Variants in EYS observed in about 807,000 individuals in gnomAD.
EYS encodes the protein EGF-like photoreceptor maintenance factor, also known as protein eyes shut homolog.
Under a neutral mutation model 282.1 loss-of-function variants are expected in EYS, and 250 were observed. The ratio of observed to expected loss-of-function variants is 0.89; its 90% confidence interval spans 0.80 to 0.98. The LOEUF is 0.98. Ranked by LOEUF, EYS falls within the 50% of genes least tolerant of loss-of-function variation. The pLI is 0.00. For synonymous variants in EYS, 1,355 were observed against 1,282.9 expected (o/e 1.06, Z -1.20); for missense variants, 4,016 against 3,709.0 (o/e 1.08, Z -2.15).
chr6:64,095,260 TC>T (rs2150254733), intron 31 of EYS, among the ~76,000 whole-genome samples: 1 of 152,336 alleles, frequency 6.6e-6, no homozygotes, highest in South Asian at 2.1e-4. Context: ...TCTGTAGATG[TC>T]TCTTAGGTCC....
intron 12 of EYS, among the ~76,000 whole-genome samples, chr6:65,244,082 T>C (rs1767120287): frequency 6.6e-6 from 1 of 152,252 alleles, no homozygotes; most frequent in South Asian, 2.1e-4. Flanking sequence ...ATGGCAATGG[T>C]TAGAGTTGAA....
chr6:65,354,450 A>C (rs1248556463), intron 8 of EYS, among the ~76,000 whole-genome samples: 1 of 152,114 alleles, frequency 6.6e-6, no homozygotes, highest in African/African-American at 2.4e-5. Flanking sequence ...ATGGTGGTCT[A>C]CCTGGATTTG....
At chr6:65,097,354 G>A (rs1774768362) in intron 12 of EYS, among the ~76,000 whole-genome samples, 1 of 150,448 alleles carries the variant, frequency 6.6e-6, no homozygotes, top group African/African-American at 2.4e-5. Flanking sequence ...ACAAGTATTG[G>A]TGAGGATGTA....
At chr6:63,798,133 T>A (rs185273927) in intron 37 of EYS, 4 of 152,148 alleles carry the variant, frequency 2.6e-5, no homozygotes, top group Admixed American at 1.3e-4. Context: ...CATCCTTAAG[T>A]GTATATTCCC....
At chr6:65,343,523 T>C in intron 10 of EYS, among the ~76,000 whole-genome samples, 1 of 151,304 alleles carries the variant, frequency 6.6e-6, no homozygotes, top group East Asian at 2.0e-4. Flanking sequence ...GGTGAGGGGA[T>C]AAAAGGAGGG....
At chr6:64,382,154 T>C (rs1283917584) in intron 29 of EYS, among the ~76,000 whole-genome samples, 2 of 152,170 alleles carry the variant, frequency 1.3e-5, no homozygotes, top group Non-Finnish European at 1.5e-5. Flanking sequence ...GCTGTGCCCT[T>C]GCCCCTCTGC....
At chr6:64,872,200 T>C (rs1430458237) in intron 19 of EYS, among the ~76,000 whole-genome samples, 1 of 152,126 alleles carries the variant, frequency 6.6e-6, no homozygotes, top group East Asian at 1.9e-4. Context: ...AGCCAGCCTG[T>C]TGTTACCAAA....
At chr6:63,972,221 G>A (rs1766609359) in intron 35 of EYS, among the ~76,000 whole-genome samples, 1 of 152,120 alleles carries the variant, frequency 6.6e-6, no homozygotes, top group Admixed American at 6.5e-5. Flanking sequence ...GAGGGAGAAA[G>A]GAACATGTGA....
intron 31 of EYS, among the ~76,000 whole-genome samples, chr6:64,092,481 T>A (rs1332307134): frequency 1.3e-5 from 2 of 152,040 alleles, no homozygotes; most frequent in African/African-American, 4.8e-5. Context: ...GTGGTTTTGA[T>A]TTGCATTTCT....
intron 33 of EYS, among the ~76,000 whole-genome samples, chr6:64,027,584 C>T (rs897798838): frequency 1.3e-5 from 2 of 152,174 alleles, no homozygotes; most frequent in African/African-American, 4.8e-5. Flanking sequence ...CTCAGACAAA[C>T]AAACCTTGGT....
intron 12 of EYS, among the ~76,000 whole-genome samples, chr6:65,169,502 C>G (rs1765054146): frequency 6.6e-6 from 1 of 151,266 alleles, no homozygotes; most frequent in Non-Finnish European, 1.5e-5. Context: ...CACAGTATAA[C>G]CTCTAATTTC....
intron 26 of EYS, among the ~76,000 whole-genome samples, chr6:64,512,552 G>C (rs1282920368): frequency 1.3e-5 from 2 of 151,752 alleles, no homozygotes; most frequent in Non-Finnish European, 2.9e-5. Flanking sequence ...TTAATAAAGA[G>C]AGAAGAGAAA....
At chr6:64,467,650 A>T (rs1775969079) in intron 26 of EYS, among the ~76,000 whole-genome samples, 1 of 152,158 alleles carries the variant, frequency 6.6e-6, no homozygotes, top group Admixed American at 6.5e-5. Context: ...CATTCTGGGT[A>T]CATGAGAATG....
chr6:64,682,536 A>C (rs1375574136), intron 22 of EYS, among the ~76,000 whole-genome samples: 1 of 152,194 alleles, frequency 6.6e-6, no homozygotes, highest in African/African-American at 2.4e-5. Context: ...AAAATGGCAG[A>C]GTATGACCTT....
At chr6:65,052,545 T>G (rs1773301779) in intron 13 of EYS, among the ~76,000 whole-genome samples, 1 of 151,596 alleles carries the variant, frequency 6.6e-6, no homozygotes, top group South Asian at 2.1e-4. Flanking sequence ...TCTTTTTGTT[T>G]TAATTAAAAT....
chr6:65,486,403 T>G (rs961164625), intron 5 of EYS, among the ~76,000 whole-genome samples: 3 of 152,186 alleles, frequency 2.0e-5, no homozygotes, highest in Non-Finnish European at 4.4e-5. Flanking sequence ...TTTGACATTT[T>G]GGTAACAGAA....
At chr6:65,681,524 C>T (rs891996306) in intron 1 of EYS, among the ~76,000 whole-genome samples, 10 of 151,828 alleles carry the variant, frequency 6.6e-5, no homozygotes, top group Non-Finnish European at 1.3e-4. Flanking sequence ...ATGATCTTCA[C>T]GATATAGCAG....
intron 26 of EYS, among the ~76,000 whole-genome samples, chr6:64,569,791 C>A (rs530507459): frequency 1.3e-5 from 2 of 151,954 alleles, no homozygotes; most frequent in Non-Finnish European, 2.9e-5. Flanking sequence ...AAATATGGAA[C>A]TATGTGGAAA....
intron 2 of EYS, among the ~76,000 whole-genome samples, chr6:65,527,587 G>T (rs1247005555): frequency 1.3e-5 from 2 of 152,190 alleles, no homozygotes; most frequent in African/African-American, 4.8e-5. Context: ...AAAAGGTTAT[G>T]CACAGGCCCA....
Sources: allele counts gnomAD v4.1 joint callset (sites outside exome capture counted in the v4.1 genomes callset), GRCh38; gene constraint gnomAD v4.1.1; transcripts MANE v1.5; gene names NCBI Gene and HGNC (gene_info 2026-07-23, HGNC 2026-07-21).